The following GAREM1 variants were observed in gnomAD, a reference collection of about 807,000 sequenced individuals.
GAREM1 encodes the protein GRB2-associated and regulator of MAPK protein 1.
In GAREM1, 26 loss-of-function variants were observed where a neutral mutation model predicts 71.3. That is an observed-to-expected ratio of 0.36 (90% CI 0.27 to 0.51). The LOEUF is 0.51. GAREM1 is among the 20% of genes least tolerant of loss of function. The pLI, the probability that GAREM1 is intolerant of heterozygous loss-of-function variation, is 0.95. For synonymous variants in GAREM1, 440 were observed against 433.2 expected (o/e 1.02, Z -0.20); for missense variants, 1,026 against 1,103.1 (o/e 0.93, Z 0.99).
Position 32,264,888 on chromosome 18 carries a change from G to T in GAREM1, c.*2983C>A, listed in dbSNP as rs2041352207. On this transcript the variant is annotated 3_prime_UTR_variant, in exon 6 of 6. Coordinates refer to ENST00000269209, the MANE Select transcript of GAREM1 (RefSeq NM_001242409.2). Reference sequence around the variant, plus strand: ...GCCATGAATCTAAGGACCCAAAAGGGTCTTGTTTAGATAGACACTTCCTCT... The same window carrying T: ...GCCATGAATCTAAGGACCCAAAAGGTTCTTGTTTAGATAGACACTTCCTCT... 1 of 152,178 alleles carries T rather than the reference G, an allele frequency of 6.6e-6. No individual in the cohort carries two copies. The highest frequency in any genetic ancestry group is 2.1e-4 in the South Asian group (1 of 4,830). The allele number at this position is 152,178 out of a possible 1,614,324, so 9.4% of individuals were successfully genotyped here. A position where few individuals can be genotyped will look rare whatever the true frequency, so the allele number is the denominator to read the frequency against.
At chr18:32,372,107 T>A (rs1387722696) in intron 2 of GAREM1, among the ~76,000 whole-genome samples, 9 of 152,198 alleles carry the variant, frequency 5.9e-5, no homozygotes, top group Non-Finnish European at 1.2e-4. Context: ...TTTAAATTAA[T>A]TGAAATTTCA....
intron 1 of GAREM1, among the ~76,000 whole-genome samples, chr18:32,449,200 A>T (rs907808394): frequency 6.6e-6 from 1 of 152,238 alleles, no homozygotes; most frequent in Non-Finnish European, 1.5e-5. Context: ...GTTGTACAGC[A>T]GCTGGCACCA....
In GAREM1 at chr18:32,287,835, A is replaced by C. The variant is rs745478784; in HGVS notation, c.762T>G (p.Pro254=). The C allele has an allele frequency of 2.1e-5, 34 of 1,609,626 alleles. No individual in the cohort carries two copies. The highest frequency in any genetic ancestry group is 2.5e-6 in the Non-Finnish European group (3 of 1,178,416). ...GGAGGTCGTATGGGTTTCTCGGTGG[A>C]GGGCTTGGCACAGTCACATTCACAG... The part of the protein sequence containing the change: ...RLPVNVTVPS[P]PPRNPYDLHF... Residue 254 remains proline (P), a synonymous_variant, in exon 4 of 6, where the codon CCT becomes CCG. Transcript: ENST00000269209. This position sits in a 1 kb window ranked among gnomAD's most constrained non-coding sequence, Gnocchi z 5.9.
rs563779907 is a variant in GAREM1, at chr18:32,406,274, C to T, written c.122-13239G>A. On this transcript the variant is annotated intron_variant, in intron 1 of 5. Transcript: ENST00000269209. ...CAAACTCCTGGACTCAAGCAATCCA[C>T]CCACCTCAACCTCCCAAAGTGCTTG... is the stretch of plus-strand genomic sequence containing the variant. Among the ~76,000 whole-genome samples, 5 of 152,246 alleles carry T rather than the reference C, an allele frequency of 3.3e-5. No homozygotes were observed. In the South Asian group the frequency reaches 1.0e-3, roughly 32 times the overall value.
Position 32,267,603 on chromosome 18 carries a change from C to G in GAREM1, c.*268G>C. ...ACCTACTTGGGTAAGAATGATTTCT[C>G]TGCACATGCCTTTTTTTCTTTTAGC... On this transcript the variant is annotated 3_prime_UTR_variant, in exon 6 of 6. Transcript: ENST00000269209. The G allele has an allele frequency of 3.3e-6, 1 of 306,382 alleles. No individual in the cohort carries two copies. 19.0% of individuals were successfully genotyped at this position (306,382 alleles called of 1,614,324 possible).
chr18:32,282,398 C>A (rs1235763354), intron 4 of GAREM1, among the ~76,000 whole-genome samples: 1 of 152,096 alleles, frequency 6.6e-6, no homozygotes, highest in Admixed American at 6.5e-5. Flanking sequence ...TGCGCTCCAG[C>A]CTGGTGACAG....
chr18:32,291,260 T>A (rs1214093163), intron 3 of GAREM1, among the ~76,000 whole-genome samples: 2 of 151,652 alleles, frequency 1.3e-5, no homozygotes, highest in Admixed American at 6.6e-5. Flanking sequence ...TATACTTTTT[T>A]TTTGTTTAAG....
At chr18:32,394,927 G>A (rs2048236264) in intron 1 of GAREM1, among the ~76,000 whole-genome samples, 1 of 152,196 alleles carries the variant, frequency 6.6e-6, no homozygotes, top group African/African-American at 2.4e-5. Context: ...AGTGGATGTG[G>A]AGACACACAG....
intron 1 of GAREM1, among the ~76,000 whole-genome samples, chr18:32,408,815 A>G (rs1220059511): frequency 6.6e-6 from 1 of 152,194 alleles, no homozygotes; most frequent in Non-Finnish European, 1.5e-5. Context: ...CAATCAAATC[A>G]GAAAGGTTTT....
At chr18:32,411,194 T>C (rs988036197) in intron 1 of GAREM1, among the ~76,000 whole-genome samples, 1 of 152,234 alleles carries the variant, frequency 6.6e-6, no homozygotes, top group African/African-American at 2.4e-5. Flanking sequence ...AATAAGAAAA[T>C]GCACTAAGGT....
intron 1 of GAREM1, among the ~76,000 whole-genome samples, chr18:32,406,705 C>T (rs2048370350): frequency 6.6e-6 from 1 of 152,106 alleles, no homozygotes; most frequent in Admixed American, 6.5e-5. Context: ...GATGTGGTTA[C>T]AGGAAATCAC....
chr18:32,397,609 A>C (rs775039036), intron 1 of GAREM1, among the ~76,000 whole-genome samples: 1 of 152,170 alleles, frequency 6.6e-6, no homozygotes, highest in African/African-American at 2.4e-5. Context: ...CTAACTATCA[A>C]AAATATATAT....
At position 32,375,734 on chromosome 18, in the gene GAREM1, A is replaced by G. The variant is rs1179843213; in HGVS notation, c.262+17161T>C. 2.0e-5 allele frequency among the ~76,000 whole-genome samples: 3 copies of G among 152,184 alleles called. No homozygotes were observed. In the East Asian group the frequency reaches 5.8e-4, roughly 29 times the overall value. On this transcript the variant is annotated intron_variant, in intron 2 of 5. Transcript: ENST00000269209. ...AATATTGAATAAATTATAAAAGACAATAGGATCTGCCTGCCTCTTCAATCC... is the reference window on the plus strand; with the variant it reads ...AATATTGAATAAATTATAAAAGACAGTAGGATCTGCCTGCCTCTTCAATCC...
At chr18:32,347,745 G>T (rs1038292483) in intron 2 of GAREM1, among the ~76,000 whole-genome samples, 1 of 152,168 alleles carries the variant, frequency 6.6e-6, no homozygotes, top group Non-Finnish European at 1.5e-5. Context: ...GGGACAAATA[G>T]TATATCAGAG....
intron 2 of GAREM1, among the ~76,000 whole-genome samples, chr18:32,366,670 T>C (rs944718429): frequency 6.6e-6 from 1 of 152,208 alleles, no homozygotes; most frequent in African/African-American, 2.4e-5. Context: ...TCATAATATA[T>C]CAACTCTGGT....
intron 3 of GAREM1, among the ~76,000 whole-genome samples, chr18:32,291,330 A>G (rs9916917): frequency 0.048 from 7,290 of 150,548 alleles, 339 homozygotes; most frequent in African/African-American, 0.11. Context: ...AAAAAAAAAA[A>G]AAAACCAAAA....
intron 1 of GAREM1, among the ~76,000 whole-genome samples, chr18:32,455,097 G>A (rs1312231964): frequency 6.6e-6 from 1 of 152,204 alleles, no homozygotes; most frequent in Non-Finnish European, 1.5e-5. Context: ...CTTACACAAA[G>A]GTTATGTAGT....
intron 2 of GAREM1, among the ~76,000 whole-genome samples, chr18:32,311,641 G>A (rs583079): frequency 0.18 from 27,783 of 152,122 alleles, 2,967 homozygotes; most frequent in African/African-American, 0.3. Context: ...TAGAGGTCTC[G>A]GAATTCTAAG....
At chr18:32,463,736 A>G (rs2048973526) in intron 1 of GAREM1, among the ~76,000 whole-genome samples, 1 of 151,602 alleles carries the variant, frequency 6.6e-6, no homozygotes, top group South Asian at 2.1e-4. Flanking sequence ...CACCCAGCTA[A>G]TTTTTTGTAG....
Sources: gnomAD v4.1 joint callset for allele counts (sites outside exome capture counted in the v4.1 genomes callset) on GRCh38, gnomAD v4.1.1 for gene constraint, Gnocchi (gnomAD v3.1) non-coding constraint, MANE v1.5 for transcripts, NCBI Gene and HGNC (gene_info 2026-07-23, HGNC 2026-07-21) for gene names.